The following ST3GAL6 variants were observed in gnomAD, a reference collection of about 807,000 sequenced individuals.
ST3GAL6 encodes type 2 lactosamine alpha-2,3-sialyltransferase.
In ST3GAL6, 31 loss-of-function variants were observed where a neutral mutation model predicts 40.5. That is an observed-to-expected ratio of 0.77 (90% confidence interval 0.58 to 1.03). The LOEUF (loss-of-function observed/expected upper bound fraction) is 1.03. Ranked by LOEUF, ST3GAL6 falls within the 50% of genes least tolerant of loss-of-function variation. The pLI is 0.00. For synonymous variants in ST3GAL6, 129 were observed against 136.9 expected (o/e 0.94, Z 0.40); for missense variants, 357 against 393.2 (o/e 0.91, Z 0.78).
At chr3:98,763,332 T>G, upstream of ST3GAL6, 1 of 1,289,196 alleles carries the variant, frequency 7.8e-7, no homozygotes, top group Non-Finnish European at 1.0e-6. Context: ...CAGTCTGGAG[T>G]GTATGTCAGT....
chr3:98,793,558 C>T (rs1941383707), intron 9 of ST3GAL6, 117 bp from the exon 10 acceptor site: 4 of 584,334 alleles, frequency 6.8e-6, no homozygotes, highest in East Asian at 3.1e-5. Flanking sequence ...ACATGCAACT[C>T]GTTACTTAAC....
upstream of ST3GAL6, among the ~76,000 whole-genome samples, chr3:98,760,439 A>G (rs1937638857): frequency 6.6e-6 from 1 of 152,240 alleles, no homozygotes; most frequent in South Asian, 2.1e-4. Flanking sequence ...AATGGAAATA[A>G]TTTTGAAACA....
intron 5 of ST3GAL6, 111 bp from the exon 6 acceptor site, chr3:98,784,834 A>C: frequency 1.3e-6 from 1 of 782,320 alleles, no homozygotes; most frequent in Non-Finnish European, 2.1e-6. Context: ...TTCTTTTTCT[A>C]CTTGCGCAAC....
chr3:98,782,609 C>T (rs2107292843), intron 5 of ST3GAL6: 1 of 492,458 alleles, frequency 2.0e-6, no homozygotes, highest in South Asian at 2.1e-5. Flanking sequence ...TCATCCAAAC[C>T]AGTACAGTAA....
chr3:98,738,852 C>A (rs1200067682), intron 1 of ST3GAL6, among the ~76,000 whole-genome samples: 1 of 152,060 alleles, frequency 6.6e-6, no homozygotes, highest in Non-Finnish European at 1.5e-5. Context: ...CAGAATGTAC[C>A]TAATAGACAT....
chr3:98,735,943 A>G (rs1935509731), intron 1 of ST3GAL6, among the ~76,000 whole-genome samples: 1 of 152,208 alleles, frequency 6.6e-6, no homozygotes, highest in Non-Finnish European at 1.5e-5. Context: ...GCAGTGTCTC[A>G]GACTTGGTCA....
chr3:98,745,211 T>C (rs903041356), intron 1 of ST3GAL6, among the ~76,000 whole-genome samples: 2 of 152,136 alleles, frequency 1.3e-5, no homozygotes, highest in Non-Finnish European at 2.9e-5. Flanking sequence ...TTTTTGTATT[T>C]TTAGTAGAGA....
At chr3:98,781,324 G>C (rs1471133716) in intron 5 of ST3GAL6, among the ~76,000 whole-genome samples, 4 of 152,092 alleles carry the variant, frequency 2.6e-5, no homozygotes, top group Non-Finnish European at 4.4e-5. Flanking sequence ...ACTGGGGCCT[G>C]TCGCAGGGTT....
Position 98,766,405 on chromosome 3 carries a change from C to CTTTTTTTTTTTTTTTTTTTTTTTTT in ST3GAL6, c.-11-2017_-11-1993dup, listed in dbSNP as rs369996406. On this transcript the variant is annotated intron_variant, in intron 1 of 9. Transcript: ENST00000483910. Reference sequence around the variant, plus strand: ...GTTGGATCTTTGCATAAATGTCATTCTTTTTTTTTTTTTTTTTTTTTTTTT... The same window carrying CTTTTTTTTTTTTTTTTTTTTTTTTT: ...GTTGGATCTTTGCATAAATGTCATTCTTTTTTTTTTTTTTTTTTTTTTTTTTTTTTTTTTTTTTTTTTTTTTTTTT... 1.9e-5 allele frequency among the ~76,000 whole-genome samples: 2 copies of CTTTTTTTTTTTTTTTTTTTTTTTTT among 104,104 alleles called. 1 individual carries two copies. The highest frequency in any genetic ancestry group is 8.2e-5 in the African/African-American group (2 of 24,384). The allele number at this position is 104,104 out of a possible 152,430, so 68.3% of individuals were successfully genotyped here.
intron 5 of ST3GAL6, among the ~76,000 whole-genome samples, chr3:98,778,340 C>T (rs1456471643): frequency 6.6e-6 from 1 of 152,274 alleles, no homozygotes; most frequent in South Asian, 2.1e-4. Flanking sequence ...CTTTAGAAAA[C>T]TTAAAAAAGA....
chr3:98,745,238 T>G (rs1263454305), intron 1 of ST3GAL6, among the ~76,000 whole-genome samples: 2 of 152,196 alleles, frequency 1.3e-5, no homozygotes, highest in Non-Finnish European at 2.9e-5. Context: ...TTCACCATGT[T>G]GGTCAGGTTG....
At chr3:98,763,891 C>T (rs1346754432) in intron 1 of ST3GAL6, among the ~76,000 whole-genome samples, 3 of 152,130 alleles carry the variant, frequency 2.0e-5, no homozygotes, top group Non-Finnish European at 2.9e-5. Context: ...CTACTGGATC[C>T]ACAGGAACCT....
At chr3:98,741,091 T>C (rs1042337208) in intron 1 of ST3GAL6, among the ~76,000 whole-genome samples, 1 of 148,904 alleles carries the variant, frequency 6.7e-6, no homozygotes, top group Non-Finnish European at 1.5e-5. Context: ...TGTGCATGCA[T>C]GTATGTACAT....
At chr3:98,771,559 G>A (rs753610830) in intron 3 of ST3GAL6, among the ~76,000 whole-genome samples, 2 of 152,172 alleles carry the variant, frequency 1.3e-5, no homozygotes, top group African/African-American at 2.4e-5. Context: ...TTCAAGGCAT[G>A]TTTAATTGGG....
At chr3:98,744,883 A>G (rs1490078236) in intron 1 of ST3GAL6, among the ~76,000 whole-genome samples, 1 of 152,216 alleles carries the variant, frequency 6.6e-6, no homozygotes, top group Non-Finnish European at 1.5e-5. Flanking sequence ...CTTTGATAAA[A>G]TAGAAAAGCC....
rs747672908 is a variant in ST3GAL6 at position 98,788,255 on chromosome 3, A to T, written c.618+33A>T. The T allele has an allele frequency of 2.5e-6, 4 of 1,595,552 alleles. No homozygotes were observed. In the African/African-American group the frequency reaches 5.4e-5, roughly 22 times the overall value. On this transcript the variant is annotated intron_variant, in intron 7 of 9. Coordinates refer to ENST00000483910, the MANE Select transcript of ST3GAL6 (RefSeq NM_001323368.2). ...GGCAAAATTGTTCTGCCTTCAGATTACCTTTAGTGCTTTTTTTCCTTAAAA... is the reference window on the plus strand; with the variant it reads ...GGCAAAATTGTTCTGCCTTCAGATTTCCTTTAGTGCTTTTTTTCCTTAAAA...
intron 6 of ST3GAL6, among the ~76,000 whole-genome samples, chr3:98,786,685 T>G (rs59529296): frequency 0.35 from 50,560 of 146,216 alleles, 8,594 homozygotes; most frequent in Middle Eastern, 0.38. Context: ...GCAATCAGGG[T>G]TTTTTTTTTG....
At chr3:98,737,195 T>A (rs1240436346) in intron 1 of ST3GAL6, among the ~76,000 whole-genome samples, 2 of 152,124 alleles carry the variant, frequency 1.3e-5, no homozygotes, top group Non-Finnish European at 2.9e-5. Flanking sequence ...ATTACAGGCA[T>A]GCACCACCAC....
chr3:98,786,914 T>A (rs1940772673), intron 6 of ST3GAL6, among the ~76,000 whole-genome samples: 1 of 151,380 alleles, frequency 6.6e-6, no homozygotes, highest in Non-Finnish European at 1.5e-5. Context: ...CTATCTCTAT[T>A]TTTTTAGTGA....
Sources: gnomAD v4.1 joint callset for allele counts (sites outside exome capture counted in the v4.1 genomes callset) on GRCh38, gnomAD v4.1.1 for gene constraint, MANE v1.5 for transcripts, NCBI Gene and HGNC (gene_info 2026-07-23, HGNC 2026-07-21) for gene names.